The following USP20 variants were observed in gnomAD, a reference collection of about 807,000 sequenced individuals.
USP20 encodes the protein ubiquitin specific peptidase 20, also known as ubiquitin carboxyl-terminal hydrolase 20.
USP20 carries 80 observed loss-of-function variants against 124.2 expected under a neutral mutation model. The ratio of observed to expected loss-of-function variants is 0.64; its 90% CI spans 0.54 to 0.78. The LOEUF (loss-of-function observed/expected upper bound fraction) is 0.78, where lower values mean the gene tolerates loss of function less well. USP20 is among the 30% of genes least tolerant of loss of function. The pLI is 0.00. For missense variants in USP20, 1,043 were observed against 1,244.4 expected (o/e 0.84, Z 2.44); for synonymous variants, 481 against 512.3 (o/e 0.94, Z 0.83).
At chr9:129,867,879 T>C in intron 10 of USP20, 126 bp from the exon 11 acceptor site, 2 of 1,203,228 alleles carry the variant, frequency 1.7e-6, no homozygotes, top group Non-Finnish European at 2.3e-6. Flanking sequence ...GGTGAGCAAC[T>C]CTTCTGCAGG....
rs1298051600 is a variant in USP20, at chr9:129,869,124, CCT to C, written c.1276+123_1276+124del. On this transcript the variant is annotated intron_variant, in intron 12 of 25. Transcript: ENST00000372429. ...GCTATGGGCTCCTCTCAGGTACACC[CCT>C]GAGACACCAGTGTGGGAGCCACGTT... 9.7e-6 allele frequency: 14 copies of C among 1,437,572 alleles called. No individual in the cohort carries two copies. In the East Asian group the frequency reaches 3.4e-4, roughly 35 times the overall value. The allele number at this position is 1,437,572 out of a possible 1,614,324, so 89.1% of individuals were successfully genotyped here.
intron 10 of USP20, among the ~76,000 whole-genome samples, chr9:129,866,581 A>G (rs1413393515): frequency 6.6e-6 from 1 of 152,186 alleles, no homozygotes; most frequent in Non-Finnish European, 1.5e-5. Flanking sequence ...GCCGGCTTTC[A>G]GCTCTGGGTC....
intron 15 of USP20, 21 bp from the exon 16 acceptor site, chr9:129,873,461 C>G: frequency 6.2e-7 from 1 of 1,614,106 alleles, no homozygotes; most frequent in South Asian, 1.1e-5. Context: ...TAACCTCTGA[C>G]CCTTTGTTTT....
intron 7 of USP20, 120 bp from the exon 8 acceptor site, chr9:129,861,423 T>A: frequency 1.1e-6 from 1 of 874,388 alleles, no homozygotes; most frequent in South Asian, 1.4e-5. Flanking sequence ...GCTTCCACCA[T>A]GTCCTCTTCT....
intron 5 of USP20, 32 bp downstream of exon 5, chr9:129,858,144 C>A: frequency 6.2e-7 from 1 of 1,608,228 alleles, no homozygotes; most frequent in Non-Finnish European, 8.5e-7. Context: ...ATGGGCCCTG[C>A]AGTTAGATGG....
At chr9:129,852,470 A>G in intron 2 of USP20, 70 bp from the exon 3 acceptor site, 1 of 1,407,998 alleles carries the variant, frequency 7.1e-7, no homozygotes. Flanking sequence ...CATGTACTTA[A>G]CCACTCACCT....
chr9:129,853,338 A>C (rs1014794327), intron 3 of USP20, among the ~76,000 whole-genome samples: 1 of 152,224 alleles, frequency 6.6e-6, no homozygotes. Flanking sequence ...ACATCAGTGC[A>C]TAGAGACAGC....
intron 14 of USP20, chr9:129,870,188 C>T (rs1004388102): frequency 6.9e-5 from 39 of 565,558 alleles, no homozygotes; most frequent in Non-Finnish European, 1.1e-4. Flanking sequence ...GCCAGAGACC[C>T]GCATGACCCC....
At chr9:129,861,336 T>C (rs1199027898) in intron 7 of USP20, among the ~76,000 whole-genome samples, 1 of 152,142 alleles carries the variant, frequency 6.6e-6, no homozygotes, top group Non-Finnish European at 1.5e-5. Flanking sequence ...AGTTCATCTG[T>C]TTAAAACACT....
chr9:129,868,132 A>G lies in USP20; in HGVS notation c.818A>G (p.Glu273Gly). 6.2e-7 allele frequency: 1 copy of G among 1,614,132 alleles called. No homozygotes were observed. Among genetic ancestry groups the G allele is most frequent in the Non-Finnish European group, 8.5e-7 (1 of 1,180,006 alleles). The stretch of plus-strand genomic sequence containing the variant: ...TCGAGTGACACGGATGAGAAACGGG[A>G]GGGTGACCGGAGCCCATCAGAAGAT... ...SDSSDTDEKR[E>G]GDRSPSEDEF... The change falls in exon 11 of 26, where the codon GAG becomes GGG. Residue 273 changes from glutamate to glycine, a missense_variant. Transcript: ENST00000372429.
intron 19 of USP20, 79 bp downstream of exon 19, chr9:129,875,034 AG>A: frequency 6.4e-7 from 1 of 1,554,096 alleles, no homozygotes; most frequent in Non-Finnish European, 8.7e-7. Flanking sequence ...GGGTGTGTGT[AG>A]GGGACAGCGC....
Position 129,879,450 on chromosome 9 carries a change from C to T in USP20, c.2513-123C>T, listed in dbSNP as rs2034547070. On this transcript the variant is annotated intron_variant, in intron 23 of 25. Transcript: ENST00000372429. The surrounding 1 kb of genome is among the most constrained non-coding windows in gnomAD (Gnocchi z 4.2). ...GGAGCATTGGGTGGCTCAGGCGCCTCATCCATTAGAGACTTCACGCTGACC... is the reference window on the plus strand; with the variant it reads ...GGAGCATTGGGTGGCTCAGGCGCCTTATCCATTAGAGACTTCACGCTGACC... 3.3e-6 allele frequency: 3 copies of T among 907,292 alleles called. No homozygotes were observed. In the East Asian group the frequency reaches 7.3e-5, roughly 22 times the overall value. The allele number at this position is 907,292 out of a possible 1,614,324, so 56.2% of individuals were successfully genotyped here.
intron 11 of USP20, 81 bp downstream of exon 11, chr9:129,868,530 A>G (rs2033945169): frequency 4.7e-6 from 7 of 1,496,554 alleles, no homozygotes; most frequent in Non-Finnish European, 6.2e-6. Context: ...GACCTGCAGT[A>G]GCCCCCGGGG....
At chr9:129,854,689 A>G (rs185065740) in intron 3 of USP20, among the ~76,000 whole-genome samples, 10 of 152,332 alleles carry the variant, frequency 6.6e-5, no homozygotes, top group African/African-American at 1.7e-4. Flanking sequence ...AAGTCAAAAA[A>G]TCATGAGAGA....
chr9:129,838,844 C>T (rs1404112856), intron 1 of USP20, among the ~76,000 whole-genome samples: 1 of 152,208 alleles, frequency 6.6e-6, no homozygotes, highest in Non-Finnish European at 1.5e-5. Context: ...CCTAGGGTAG[C>T]CCCAAACCCA....
intron 13 of USP20, 88 bp from the exon 14 acceptor site, chr9:129,869,584 T>C (rs745412255): frequency 2.6e-6 from 4 of 1,566,942 alleles, no homozygotes; most frequent in Non-Finnish European, 3.5e-6. Context: ...GCCTGGGGAG[T>C]AGTCCCTCTG....
Position 129,839,416 on chromosome 9 carries a change from T to C in USP20, c.-129+3917T>C, listed in dbSNP as rs10733698. 1 allele frequency among the ~76,000 whole-genome samples: 151,834 copies of C among 152,228 alleles called. 75,720 individuals are homozygous for C. Among genetic ancestry groups the C allele is most frequent in the Middle Eastern group, 1 (294 of 294 alleles). ...GTGGGCAGCAGAGACTGTGGAAGTG[T>C]GGAGGCATGGGGAGGCCTGAGGGCT... On this transcript the variant is annotated intron_variant, in intron 1 of 25. Transcript: ENST00000372429. This position sits in a 1 kb window ranked among gnomAD's most constrained non-coding sequence, Gnocchi z 4.5.
intron 1 of USP20, among the ~76,000 whole-genome samples, chr9:129,840,102 C>T (rs1260418794): frequency 1.3e-5 from 2 of 148,984 alleles, no homozygotes; most frequent in South Asian, 2.2e-4. Flanking sequence ...GCGGGGCACA[C>T]GCTGCACCTT....
chr9:129,876,329 C>G, intron 22 of USP20, 91 bp downstream of exon 22: 1 of 1,116,382 alleles, frequency 9.0e-7, no homozygotes, highest in Non-Finnish European at 1.3e-6. Flanking sequence ...TGTGCAGTCC[C>G]TGAGCAAGTT....
Sources: gnomAD v4.1 joint callset for allele counts (sites outside exome capture counted in the v4.1 genomes callset) on GRCh38, gnomAD v4.1.1 for gene constraint, Gnocchi (gnomAD v3.1) non-coding constraint, MANE v1.5 for transcripts, NCBI Gene and HGNC (gene_info 2026-07-23, HGNC 2026-07-21) for gene names.